The following ASAP1 variants were observed in gnomAD, a reference collection of about 807,000 sequenced individuals.
ASAP1 encodes the protein ArfGAP with SH3 domain, ankyrin repeat and PH domain 1.
ASAP1 carries 43 observed loss-of-function variants against 145.2 expected under a neutral mutation model. That is an observed-to-expected ratio of 0.30 (90% confidence interval 0.23 to 0.38). The LOEUF is 0.38. ASAP1 is among the 10% of genes least tolerant of loss of function. The pLI, the probability that ASAP1 is intolerant of heterozygous loss-of-function variation, is 1.00. For synonymous variants in ASAP1, 546 were observed against 515.5 expected (o/e 1.06, Z -0.80); for missense variants, 1,018 against 1,355.3 (o/e 0.75, Z 3.91).
intron 16 of ASAP1, among the ~76,000 whole-genome samples, chr8:130,127,043 T>C (rs1475344909): frequency 6.6e-6 from 1 of 152,158 alleles, no homozygotes; most frequent in Non-Finnish European, 1.5e-5. Context: ...TGATTCTCAG[T>C]ACAGCGGGAA....
intron 13 of ASAP1, among the ~76,000 whole-genome samples, chr8:130,142,135 G>A (rs2097613368): frequency 6.6e-6 from 1 of 152,116 alleles, no homozygotes; most frequent in Admixed American, 6.5e-5. Context: ...AGAAATAAAG[G>A]CACAGAAAGG....
At chr8:130,415,648 C>T (rs1359254668) in intron 1 of ASAP1, among the ~76,000 whole-genome samples, 1 of 152,134 alleles carries the variant, frequency 6.6e-6, no homozygotes, top group Non-Finnish European at 1.5e-5. Context: ...ATTAGCCGGG[C>T]ATGGTGGCAG....
intron 11 of ASAP1, among the ~76,000 whole-genome samples, chr8:130,165,888 G>A (rs958645993): frequency 6.6e-6 from 1 of 152,178 alleles, no homozygotes; most frequent in Non-Finnish European, 1.5e-5. Context: ...TTTTGTTTTA[G>A]ACTCATAAAC....
rs772036962 is a variant in ASAP1, at chr8:130,079,950, G to A, written c.2594C>T (p.Ser865Phe). The A allele has an allele frequency of 1.2e-6, 2 of 1,614,178 alleles. No individual in the cohort carries two copies. Among genetic ancestry groups the A allele is most frequent in the East Asian group, 2.2e-5 (1 of 44,892 alleles). The change falls in exon 26 of 30, where the codon TCT becomes TTT. Residue 865 changes from serine (S) to phenylalanine (F), a missense_variant. Physicochemically the swap from Ser to Phe is radical, Grantham distance 155 (BLOSUM62 -2). Transcript: ENST00000518721. The part of the protein sequence containing the change: ...VPWGNDGGPS[S>F]SSKTTNKFEG... The stretch of plus-strand genomic sequence containing the variant: ...AAACTTGTTTGTAGTCTTACTTGAA[G>A]AGGATGGACCCCCATCGTTACCTAC...
chr8:130,089,135 G>C (rs2097500277), intron 25 of ASAP1, among the ~76,000 whole-genome samples: 1 of 152,126 alleles, frequency 6.6e-6, no homozygotes, highest in Non-Finnish European at 1.5e-5. Flanking sequence ...TGGGGAGTGG[G>C]GAGTTTTACT....
At chr8:130,200,880 A>G (rs1443079022) in intron 5 of ASAP1, among the ~76,000 whole-genome samples, 1 of 152,236 alleles carries the variant, frequency 6.6e-6, no homozygotes, top group African/African-American at 2.4e-5. Flanking sequence ...ATAAAAGTAA[A>G]AACAATTAAT....
At chr8:130,130,134 T>C (rs1345062986) in intron 15 of ASAP1, among the ~76,000 whole-genome samples, 5 of 152,186 alleles carry the variant, frequency 3.3e-5, no homozygotes, top group Non-Finnish European at 1.5e-5. Context: ...AACATATAGA[T>C]TGAACACCCC....
chr8:130,335,615 A>G (rs76180135), intron 3 of ASAP1, among the ~76,000 whole-genome samples: 1 of 152,320 alleles, frequency 6.6e-6, no homozygotes, highest in East Asian at 1.9e-4. Context: ...GGAAAAAGAG[A>G]TGGAAAAAAA....
chr8:130,177,915 T>C (rs901063726), intron 9 of ASAP1, among the ~76,000 whole-genome samples: 9 of 152,168 alleles, frequency 5.9e-5, no homozygotes, highest in African/African-American at 2.2e-4. Context: ...AACCCTAAGG[T>C]GGTTGCTACA....
chr8:130,182,793 T>C (rs1458566250), intron 7 of ASAP1, among the ~76,000 whole-genome samples: 1 of 144,234 alleles, frequency 6.9e-6, no homozygotes, highest in Non-Finnish European at 1.5e-5. Flanking sequence ...AGCTAAAATA[T>C]TGCATCTATG....
intron 3 of ASAP1, among the ~76,000 whole-genome samples, chr8:130,347,552 TG>T (rs563548948): frequency 4.8e-4 from 73 of 152,356 alleles, no homozygotes; most frequent in African/African-American, 1.7e-3. Flanking sequence ...CTGTGTGATC[TG>T]GGTATAAACG....
chr8:130,219,299 G>C (rs947479631), intron 4 of ASAP1, among the ~76,000 whole-genome samples: 2 of 148,266 alleles, frequency 1.3e-5, no homozygotes, highest in African/African-American at 4.9e-5. Flanking sequence ...CAAAATTAAG[G>C]GTTTACCCAG....
chr8:130,274,877 CCTGTGGGTGGAAATGGAGGATAAACCT>C (rs1217056307), intron 3 of ASAP1, among the ~76,000 whole-genome samples: 1 of 152,156 alleles, frequency 6.6e-6, no homozygotes, highest in African/African-American at 2.4e-5. Context: ...TTTCTGTATA[CCTGTGGGTGGAAATGGAGGATAAACCT>C]CTCTTCGCTT....
chr8:130,080,029 A>AT, intron 25 of ASAP1, 58 bp from the exon 26 acceptor site: 1 of 1,493,148 alleles, frequency 6.7e-7, no homozygotes, highest in Non-Finnish European at 9.3e-7. Flanking sequence ...TGCAATGAGA[A>AT]TACATGGGTT....
intron 24 of ASAP1, among the ~76,000 whole-genome samples, chr8:130,109,803 C>T (rs967559814): frequency 5.9e-5 from 9 of 152,304 alleles, no homozygotes; most frequent in African/African-American, 1.9e-4. Context: ...TATGGGATAT[C>T]GCACACTTCA....
chr8:130,305,910 T>G (rs1418604132), intron 3 of ASAP1, among the ~76,000 whole-genome samples: 1 of 152,192 alleles, frequency 6.6e-6, no homozygotes, highest in African/African-American at 2.4e-5. Flanking sequence ...CATCACTATT[T>G]AAGCTCTTAG....
chr8:130,426,344 C>G (rs949458656), intron 1 of ASAP1, among the ~76,000 whole-genome samples: 1 of 151,586 alleles, frequency 6.6e-6, no homozygotes, highest in African/African-American at 2.4e-5. Flanking sequence ...AACCTCTTTT[C>G]TTTATAAATT....
chr8:130,121,470 G>A (rs1452121413), intron 18 of ASAP1, among the ~76,000 whole-genome samples: 1 of 152,120 alleles, frequency 6.6e-6, no homozygotes, highest in African/African-American at 2.4e-5. Context: ...ACCCTTGGTT[G>A]AGAACCAATA....
chr8:130,251,190 G>T (rs1819174591), intron 3 of ASAP1, among the ~76,000 whole-genome samples: 1 of 152,156 alleles, frequency 6.6e-6, no homozygotes. Flanking sequence ...GGCTGAGGTA[G>T]GTGGATCACT....
Sources: allele counts gnomAD v4.1 joint callset (sites outside exome capture counted in the v4.1 genomes callset), GRCh38; gene constraint gnomAD v4.1.1; transcripts MANE v1.5; gene names NCBI Gene and HGNC (gene_info 2026-07-23, HGNC 2026-07-21).